CUX2: variants seen among roughly 807,000 people sequenced by gnomAD.
CUX2 encodes cut like homeobox 2, also known as homeobox protein cut-like 2.
CUX2 carries 40 observed loss-of-function variants against 144.8 expected under a neutral mutation model. The ratio of observed to expected loss-of-function variants is 0.28; its 90% CI spans 0.21 to 0.36. The LOEUF (loss-of-function observed/expected upper bound fraction) is 0.36. Among genes scored for constraint, CUX2 ranks in the 10% least tolerant of loss-of-function variants. The pLI, the probability that CUX2 is intolerant of heterozygous loss-of-function variation, is 1.00. For missense variants in CUX2, 1,615 were observed against 1,994.0 expected (o/e 0.81, Z 3.62); for synonymous variants, 827 against 875.6 (o/e 0.94, Z 0.98).
intron 4 of CUX2, among the ~76,000 whole-genome samples, chr12:111,269,976 G>A (rs907252404): frequency 6.6e-6 from 1 of 151,968 alleles, no homozygotes; most frequent in African/African-American, 2.4e-5. Flanking sequence ...GCCCCTTTAG[G>A]GCCTCTAATT....
In CUX2 at chr12:111,310,609, C is replaced by T. The variant is rs1446867131; in HGVS notation, c.1827C>T (p.Phe609=). 3.7e-6 allele frequency: 6 copies of T among 1,612,688 alleles called. No homozygotes were observed. The African/African-American group carries it at 6.7e-5, about 18-fold the overall frequency. Residue 609 remains phenylalanine, a synonymous_variant, in exon 15 of 22, where the codon TTC becomes TTT. Transcript: ENST00000261726. This position sits in a 1 kb window ranked among gnomAD's most constrained non-coding sequence, Gnocchi z 7.9. ...RKLTVKGKEP[F]IKMKQFLSDE... ...TCACGGTGAAGGGCAAGGAGCCCTT[C>T]ATCAAGATGAAGCAGTTCCTGTCGG... is the stretch of plus-strand genomic sequence containing the variant.
At chr12:111,217,425 C>T (rs2136228539) in intron 2 of CUX2, among the ~76,000 whole-genome samples, 1 of 152,238 alleles carries the variant, frequency 6.6e-6, no homozygotes, top group South Asian at 2.1e-4. Flanking sequence ...CTGAAAGAGG[C>T]AGCCCCGGGC....
intron 4 of CUX2, among the ~76,000 whole-genome samples, chr12:111,275,716 G>A (rs890453148): frequency 1.3e-4 from 20 of 152,132 alleles, no homozygotes; most frequent in African/African-American, 3.9e-4. Flanking sequence ...GGGTGTACCC[G>A]GACCCAAGAC....
intron 1 of CUX2, among the ~76,000 whole-genome samples, chr12:111,154,595 C>T (rs968402772): frequency 1.3e-5 from 2 of 152,176 alleles, no homozygotes; most frequent in Admixed American, 6.5e-5. Flanking sequence ...AATTCTGGCC[C>T]TGCATTTCTG....
In CUX2 at chr12:111,186,815, A is replaced by G. The variant is rs1159577160; in HGVS notation, c.64-27385A>G. On this transcript the variant is annotated intron_variant, in intron 1 of 21. Transcript: ENST00000261726. The surrounding 1 kb of genome is among the most constrained non-coding windows in gnomAD (Gnocchi z 4.4). The stretch of plus-strand genomic sequence containing the variant: ...TTTTTTTGAGACAGAATTTCACCGC[A>G]TCACCCAGACTGGAGTGCAGTGGTG... Among the ~76,000 whole-genome samples, 2 of 150,136 alleles carry G rather than the reference A, an allele frequency of 1.3e-5. No individual in the cohort carries two copies. Among genetic ancestry groups the G allele is most frequent in the Non-Finnish European group, 3.0e-5 (2 of 67,750 alleles).
intron 1 of CUX2, among the ~76,000 whole-genome samples, chr12:111,094,389 T>C: frequency 6.6e-6 from 1 of 152,150 alleles, no homozygotes; most frequent in East Asian, 1.9e-4. Context: ...GGAAGCCTGG[T>C]TTTCCTGCCA....
chr12:111,313,494 T>C (rs1166280112), intron 16 of CUX2, among the ~76,000 whole-genome samples: 1 of 150,342 alleles, frequency 6.7e-6, no homozygotes, highest in African/African-American at 2.4e-5. Flanking sequence ...ACAAAAAAAT[T>C]AGCTGGGCGT....
chr12:111,135,753 C>T (rs180937817), intron 1 of CUX2, among the ~76,000 whole-genome samples: 3 of 152,174 alleles, frequency 2.0e-5, no homozygotes, highest in Admixed American at 6.5e-5. Flanking sequence ...CGTAGGATTC[C>T]ATTTATGCAA....
chr12:111,324,441 A>T (rs186962406), intron 18 of CUX2, among the ~76,000 whole-genome samples: 92 of 151,806 alleles, frequency 6.1e-4, no homozygotes, highest in African/African-American at 2.1e-3. Flanking sequence ...GGGGGCCAGG[A>T]AGAGGCAGGG....
chr12:111,045,102 G>A (rs562062917), intron 1 of CUX2, among the ~76,000 whole-genome samples: 3 of 152,252 alleles, frequency 2.0e-5, no homozygotes, highest in South Asian at 2.1e-4. Context: ...TAATGTCCTC[G>A]GACCCGGCTG....
chr12:111,044,368 TC>T (rs1465150134), intron 1 of CUX2, among the ~76,000 whole-genome samples: 2 of 151,732 alleles, frequency 1.3e-5, no homozygotes, highest in African/African-American at 4.8e-5. Flanking sequence ...CCTCATCCTA[TC>T]CCCCTCCCGT....
intron 1 of CUX2, among the ~76,000 whole-genome samples, chr12:111,055,020 A>G (rs963154177): frequency 6.6e-6 from 1 of 152,242 alleles, no homozygotes; most frequent in Non-Finnish European, 1.5e-5. Context: ...AGAGCCAGGC[A>G]GTCTGACTCC....
At chr12:111,099,385 A>G in intron 1 of CUX2, 3 of 363,134 alleles carry the variant, frequency 8.3e-6, no homozygotes, top group Admixed American at 7.0e-5. Context: ...GCTCATAAAA[A>G]TAGCTCGGTG....
rs531926829 is a variant in CUX2, at chr12:111,322,809, C to T, written c.2926+229C>T. 2.6e-5 allele frequency among the ~76,000 whole-genome samples: 4 copies of T among 152,280 alleles called. No individual in the cohort carries two copies. Among genetic ancestry groups the T allele is most frequent in the African/African-American group, 9.6e-5 (4 of 41,572 alleles). On this transcript the variant is annotated intron_variant, in intron 18 of 21. Transcript: ENST00000261726. This position sits in a 1 kb window ranked among gnomAD's most constrained non-coding sequence, Gnocchi z 4.2. ...CAGAGGGAGGCTTCTAGAAGCTGCA[C>T]GCCTGATGCACTGGGTCCTGGCTTT...
intron 1 of CUX2, among the ~76,000 whole-genome samples, chr12:111,081,124 G>A (rs551693125): frequency 1.8e-4 from 27 of 152,092 alleles, no homozygotes; most frequent in Non-Finnish European, 2.9e-4. Context: ...TCACCATGCT[G>A]TCACCGTTTC....
intron 1 of CUX2, among the ~76,000 whole-genome samples, chr12:111,187,259 C>A (rs2136189320): frequency 6.6e-6 from 1 of 152,318 alleles, no homozygotes; most frequent in East Asian, 1.9e-4. Context: ...ACGCCGGCAT[C>A]AGGACCCATC....
chr12:111,132,011 G>T (rs11830886), intron 1 of CUX2, among the ~76,000 whole-genome samples: 1 of 152,228 alleles, frequency 6.6e-6, no homozygotes, highest in African/African-American at 2.4e-5. Context: ...CTCCCACCCC[G>T]CATTTCCCTT....
At chr12:111,317,811 C>T (rs1423617323) in intron 16 of CUX2, among the ~76,000 whole-genome samples, 3 of 151,978 alleles carry the variant, frequency 2.0e-5, no homozygotes, top group African/African-American at 4.8e-5. Flanking sequence ...GCCTGGCTAA[C>T]ATGGTGAAAC....
intron 4 of CUX2, among the ~76,000 whole-genome samples, chr12:111,275,104 C>T (rs1214152016): frequency 6.6e-6 from 1 of 152,218 alleles, no homozygotes; most frequent in Non-Finnish European, 1.5e-5. Context: ...ACTGTGTTCT[C>T]TATGGGTTTG....
Sources: gnomAD v4.1 joint callset for allele counts (sites outside exome capture counted in the v4.1 genomes callset) on GRCh38, gnomAD v4.1.1 for gene constraint, Gnocchi (gnomAD v3.1) non-coding constraint, MANE v1.5 for transcripts, NCBI Gene and HGNC (gene_info 2026-07-23, HGNC 2026-07-21) for gene names.